WDR86: variants seen among roughly 807,000 people sequenced by gnomAD.
WDR86 encodes the protein WD repeat-containing protein 86.
A neutral mutation model predicts 36.5 loss-of-function variants in WDR86; 30 were observed. The ratio of observed to expected loss-of-function variants is 0.82; its 90% CI spans 0.61 to 1.11. The LOEUF is 1.11. Ranked by LOEUF, WDR86 falls within the 50% of genes most tolerant of loss-of-function variation. The pLI is 0.00. For missense variants in WDR86, 545 were observed against 561.2 expected (o/e 0.97, Z 0.29); for synonymous variants, 255 against 252.9 (o/e 1.01, Z -0.08).
In WDR86 at chr7:151,400,147, G is replaced by A. The variant is rs748939517; in HGVS notation, c.258C>T (p.Thr86=). The A allele has an allele frequency of 9.9e-6, 16 of 1,611,818 alleles. No individual in the cohort carries two copies. Among genetic ancestry groups the A allele is most frequent in the East Asian group, 4.5e-5 (2 of 44,792 alleles). ...CTCGGTACACCTGCAGACACTGCCC[G>A]GTCAGCACGTCCCACCTCCTGATGG... ...DCTIRRWDVL[T]GQCLQVYRGH... is the part of the protein sequence containing the mutation. Residue 86 remains threonine (T), a synonymous_variant, in exon 2 of 6, where the codon ACC becomes ACT. Coordinates refer to ENST00000334493, the MANE Select transcript of WDR86 (RefSeq NM_198285.3).
At chr7:151,396,259 C>A in intron 2 of WDR86, 63 bp from the exon 3 acceptor site, 1 of 1,569,470 alleles carries the variant, frequency 6.4e-7, no homozygotes. Context: ...CACACAGCCT[C>A]CCGACATGCC....
intron 3 of WDR86, among the ~76,000 whole-genome samples, chr7:151,387,325 C>T (rs140933728): frequency 9.5e-4 from 144 of 152,218 alleles, no homozygotes; most frequent in African/African-American, 2.7e-3. Flanking sequence ...CCCTGGCAGC[C>T]GGCCCTCACC....
Position 151,409,273 on chromosome 7 carries a change from A to T in WDR86, c.163+154T>A. 1.6e-6 allele frequency: 2 copies of T among 1,285,406 alleles called. No homozygotes were observed. Among genetic ancestry groups the T allele is most frequent in the Non-Finnish European group, 2.2e-6 (2 of 927,892 alleles). 79.6% of individuals were successfully genotyped at this position (1,285,406 alleles called of 1,614,324 possible). A position where few individuals can be genotyped will look rare whatever the true frequency, so the allele number is the denominator to read the frequency against. On this transcript the variant is annotated intron_variant, in intron 1 of 5. Transcript: ENST00000334493. The surrounding 1 kb of genome is among the most constrained non-coding windows in gnomAD (Gnocchi z 5.2). ...GCCCTGCCGTGCGCTCAACAGCCAG[A>T]TGCTGGGCCCAGACAAGCGCTCTTC... is the stretch of plus-strand genomic sequence containing the variant.
At position 151,395,849 on chromosome 7, in the gene WDR86, C is replaced by T. The variant is rs199913040; in HGVS notation, c.653G>A (p.Arg218His). ...AFTGSTDATI[R>H]AWDILSGEQL... Reference sequence around the variant, plus strand: ...CTCCCCACTCAGGATGTCCCAGGCACGGATGGTGGCGTCGGTGCTGCCTGT... The same window carrying T: ...CTCCCCACTCAGGATGTCCCAGGCATGGATGGTGGCGTCGGTGCTGCCTGT... Residue 218 changes from arginine (R) to histidine (H), a missense_variant, in exon 3 of 6, where the codon CGT (arginine) becomes CAT (histidine). Arg to His is a conservative substitution (Grantham distance 29). Transcript: ENST00000334493. 12 of 1,589,470 alleles carry T rather than the reference C, an allele frequency of 7.5e-6. No homozygotes were observed. Among genetic ancestry groups the T allele is most frequent in the Middle Eastern group, 2.2e-4 (1 of 4,588 alleles).
intron 4 of WDR86, among the ~76,000 whole-genome samples, chr7:151,382,184 G>A (rs990807941): frequency 8.5e-5 from 13 of 152,138 alleles, no homozygotes; most frequent in Non-Finnish European, 1.8e-4. Context: ...ATGCCTGCGC[G>A]CCAGCTGGCC....
intron 3 of WDR86, among the ~76,000 whole-genome samples, chr7:151,393,250 G>A (rs998765222): frequency 5.9e-5 from 9 of 152,276 alleles, no homozygotes; most frequent in South Asian, 2.1e-4. Context: ...GCGTTCACAC[G>A]CGCGTATCAT....
downstream of WDR86, chr7:151,376,176 T>C: frequency 1.9e-6 from 1 of 519,742 alleles, no homozygotes; most frequent in Non-Finnish European, 3.5e-6. Flanking sequence ...TCTTTAGGTT[T>C]GCTGCCTTTG....
rs34882878 is a variant in WDR86, at chr7:151,389,118, CTT to C, written c.727-3897_727-3896del. On this transcript the variant is annotated intron_variant, in intron 3 of 5. Transcript: ENST00000334493. ...TCTGCACCTTTTTTTCTTTTCTTTCCTTTTTTTTTTTTTTTTTGTTTGAGATG... is the reference window on the plus strand; with the variant it reads ...TCTGCACCTTTTTTTCTTTTCTTTCCTTTTTTTTTTTTTTTGTTTGAGATG... 1.9e-3 allele frequency among the ~76,000 whole-genome samples: 235 copies of C among 125,522 alleles called. 1 individual carries two copies. Among genetic ancestry groups the C allele is most frequent in the Middle Eastern group, 8.3e-3 (2 of 240 alleles). 82.3% of individuals were successfully genotyped at this position (125,522 alleles called of 152,430 possible).
chr7:151,387,415 G>A (rs962069744), intron 3 of WDR86, among the ~76,000 whole-genome samples: 1 of 152,184 alleles, frequency 6.6e-6, no homozygotes, highest in African/African-American at 2.4e-5. Flanking sequence ...CAGGCCGAGG[G>A]GGCGCTCCCA....
Position 151,409,221 on chromosome 7 carries a change from C to T in WDR86, c.163+206G>A, listed in dbSNP as rs113213372. On this transcript the variant is annotated intron_variant, in intron 1 of 5. Transcript: ENST00000334493. This position sits in a 1 kb window ranked among gnomAD's most constrained non-coding sequence, Gnocchi z 5.2. ...ATCCCGGCCGCACCCTGCTCTGCAC[C>T]CGCACCCCACCCCCAGACCTCACCC... 8 of 852,486 alleles carry T rather than the reference C, an allele frequency of 9.4e-6. No individual in the cohort carries two copies. Among genetic ancestry groups the T allele is most frequent in the African/African-American group, 6.7e-5 (4 of 59,492 alleles). The allele number at this position is 852,486 out of a possible 1,614,324, so 52.8% of individuals were successfully genotyped here.
At chr7:151,372,827 G>A (rs553447892), downstream of WDR86, among the ~76,000 whole-genome samples, 1 of 152,256 alleles carries the variant, frequency 6.6e-6, no homozygotes, top group African/African-American at 2.4e-5. Flanking sequence ...GAGAGGTAGA[G>A]CACGTAATGG....
intron 3 of WDR86, among the ~76,000 whole-genome samples, chr7:151,395,444 T>C (rs1324005461): frequency 2.6e-5 from 4 of 151,190 alleles, no homozygotes; most frequent in Non-Finnish European, 4.4e-5. Context: ...AATGAGTTCA[T>C]AGGGGGGCCC....
chr7:151,389,204 C>T (rs1040151174), intron 3 of WDR86, among the ~76,000 whole-genome samples: 1 of 151,532 alleles, frequency 6.6e-6, no homozygotes, highest in Admixed American at 6.6e-5. Flanking sequence ...GATCCGTCCA[C>T]CTCAGCCTCC....
At chr7:151,372,170 A>G (rs149445928), downstream of WDR86, among the ~76,000 whole-genome samples, 611 of 152,352 alleles carry the variant, frequency 4.0e-3, 3 homozygotes, top group African/African-American at 0.014. Context: ...AGGCCATCCC[A>G]GCTTGTTGTG....
At chr7:151,392,300 C>A (rs1799494063) in intron 3 of WDR86, among the ~76,000 whole-genome samples, 1 of 152,060 alleles carries the variant, frequency 6.6e-6, no homozygotes, top group Admixed American at 6.5e-5. Context: ...CCCCATGTGC[C>A]CCCTGCACCC....
chr7:151,390,825 A>G lies in WDR86; in HGVS notation c.726+4951T>C, dbSNP rs1799380038. The stretch of plus-strand genomic sequence containing the variant: ...GATCCTGCACGACTCCACTCATGTG[A>G]GGACCCAGAGTCATCAAATTCAGAG... On this transcript the variant is annotated intron_variant, in intron 3 of 5. Coordinates refer to ENST00000334493, the MANE Select transcript of WDR86 (RefSeq NM_198285.3). The surrounding 1 kb of genome is among the most constrained non-coding windows in gnomAD (Gnocchi z 4.5). Among the ~76,000 whole-genome samples, 1 of 152,250 alleles carries G rather than the reference A, an allele frequency of 6.6e-6. No individual in the cohort carries two copies. Among genetic ancestry groups the G allele is most frequent in the Non-Finnish European group, 1.5e-5 (1 of 68,040 alleles).
rs1799193392 is a variant in WDR86, at chr7:151,388,925, A to G, written c.727-3702T>C. Among the ~76,000 whole-genome samples, 1 of 152,202 alleles carries G rather than the reference A, an allele frequency of 6.6e-6. No homozygotes were observed. Among genetic ancestry groups the G allele is most frequent in the East Asian group, 1.9e-4 (1 of 5,170 alleles). On this transcript the variant is annotated intron_variant, in intron 3 of 5. Coordinates refer to ENST00000334493, the MANE Select transcript of WDR86 (RefSeq NM_198285.3). This position sits in a 1 kb window ranked among gnomAD's most constrained non-coding sequence, Gnocchi z 4.2. ...ATAAATGAGATGAGTTCCCTTTTAT[A>G]AAAGGGCTTAAGGGAGCCTGTTTGT...
chr7:151,381,092 G>A, downstream of WDR86: 2 of 1,178,670 alleles, frequency 1.7e-6, no homozygotes, highest in Non-Finnish European at 2.1e-6. This position sits in a 1 kb window ranked among gnomAD's most constrained non-coding sequence, Gnocchi z 4.8. Context: ...CTGAGACTCA[G>A]TTTGCAAAAC....
At chr7:151,389,649 C>T (rs1188674513) in intron 3 of WDR86, among the ~76,000 whole-genome samples, 1 of 152,232 alleles carries the variant, frequency 6.6e-6, no homozygotes, top group South Asian at 2.1e-4. Context: ...CCGCCCTGCA[C>T]AGGGCAGGGG....
Sources: allele counts gnomAD v4.1 joint callset (sites outside exome capture counted in the v4.1 genomes callset), GRCh38; gene constraint gnomAD v4.1.1; non-coding constraint Gnocchi (gnomAD v3.1); transcripts MANE v1.5; gene names NCBI Gene and HGNC (gene_info 2026-07-23, HGNC 2026-07-21).